Variants in ERC2 observed in about 807,000 individuals in gnomAD.
ERC2 encodes the protein ELKS/RAB6-interacting/CAST family member 2.
A neutral mutation model predicts 114.8 loss-of-function variants in ERC2; 42 were observed. That is an observed-to-expected ratio of 0.37 (90% CI 0.29 to 0.47). The LOEUF (loss-of-function observed/expected upper bound fraction) is 0.47, where lower values mean the gene tolerates loss of function less well. Ranked by LOEUF, ERC2 falls within the 20% of genes least tolerant of loss-of-function variation. The probability of loss-of-function intolerance (pLI) is 0.99; values close to 1 mark genes in which losing one functional copy is unlikely to be tolerated. For missense variants in ERC2, 939 were observed against 1,150.7 expected, an observed-to-expected ratio of 0.82 and a Z score of 2.66; for synonymous variants, 454 against 425.5, an observed-to-expected ratio of 1.07 and a Z score of -0.82.
At chr3:56,386,430 A>C (rs1418478290) in intron 2 of ERC2, among the ~76,000 whole-genome samples, 2 of 152,094 alleles carry the variant, frequency 1.3e-5, no homozygotes, top group East Asian at 3.9e-4. Context: ...TGGATCATGG[A>C]ATTATCCCCA....
chr3:55,619,680 G>A (rs1218203049), intron 17 of ERC2, among the ~76,000 whole-genome samples: 1 of 152,128 alleles, frequency 6.6e-6, no homozygotes, highest in Non-Finnish European at 1.5e-5. Context: ...TTGGAACATG[G>A]TAGACATGTA....
At chr3:55,900,243 T>C (rs144965731) in intron 13 of ERC2, among the ~76,000 whole-genome samples, 29 of 152,380 alleles carry the variant, frequency 1.9e-4, no homozygotes, top group African/African-American at 7.0e-4. Flanking sequence ...CTATGGGTTT[T>C]GGAAGTCCAA....
chr3:55,864,148 TATATATACAC>T (rs1469409617), intron 14 of ERC2, among the ~76,000 whole-genome samples: 3 of 123,282 alleles, frequency 2.4e-5, no homozygotes, highest in African/African-American at 9.1e-5. Flanking sequence ...TACATATATA[TATATATACAC>T]ATATATATAC....
intron 17 of ERC2, among the ~76,000 whole-genome samples, chr3:55,517,945 G>A (rs2052645958): frequency 6.6e-6 from 1 of 152,156 alleles, no homozygotes; most frequent in Admixed American, 6.5e-5. Flanking sequence ...GACTGCCCAT[G>A]GCCAAAGGTC....
chr3:55,668,806 C>T (rs146625423), intron 17 of ERC2, among the ~76,000 whole-genome samples: 90 of 152,232 alleles, frequency 5.9e-4, no homozygotes, highest in Middle Eastern at 3.4e-3. Flanking sequence ...ATGACCAGAA[C>T]CTCACATTGA....
intron 13 of ERC2, among the ~76,000 whole-genome samples, chr3:55,934,761 A>C (rs919396926): frequency 1.3e-5 from 2 of 152,216 alleles, no homozygotes; most frequent in African/African-American, 2.4e-5. Context: ...TGTCTACATA[A>C]TTTTGGCAAT....
chr3:55,985,933 CT>C, intron 12 of ERC2, 43 bp downstream of exon 12: 1 of 1,522,248 alleles, frequency 6.6e-7, no homozygotes, highest in Non-Finnish European at 8.8e-7. Context: ...ATAAATTGAG[CT>C]TAGGAGGGAA....
chr3:55,748,879 A>T (rs568324304), intron 14 of ERC2, among the ~76,000 whole-genome samples: 1 of 152,248 alleles, frequency 6.6e-6, no homozygotes, highest in Admixed American at 6.5e-5. Context: ...AAACAATTGA[A>T]TATCAGAAAT....
At chr3:56,099,219 C>T (rs2078220893) in intron 6 of ERC2, among the ~76,000 whole-genome samples, 2 of 152,180 alleles carry the variant, frequency 1.3e-5, no homozygotes, top group South Asian at 4.1e-4. Context: ...CCCTTAGAGC[C>T]TCTGTGGGGT....
intron 3 of ERC2, among the ~76,000 whole-genome samples, chr3:56,216,528 A>G (rs75497145): frequency 0.8 from 122,107 of 152,094 alleles, 50,923 homozygotes; most frequent in South Asian, 0.95. Flanking sequence ...AACAGTCCAG[A>G]ACCAGACAGA....
chr3:56,405,434 GA>G (rs765967718), intron 2 of ERC2, among the ~76,000 whole-genome samples: 32 of 143,086 alleles, frequency 2.2e-4, no homozygotes, highest in Admixed American at 2.1e-4. Context: ...CTCAAAAAAG[GA>G]AAAAAAAAAA....
chr3:55,670,113 G>A (rs562188339), intron 17 of ERC2, among the ~76,000 whole-genome samples: 13 of 152,330 alleles, frequency 8.5e-5, no homozygotes, highest in African/African-American at 3.1e-4. Flanking sequence ...GGAGGAAAAT[G>A]TAAGAAATCG....
Position 56,080,814 on chromosome 3 carries a change from C to CT in ERC2, c.1641+2_1641+3insA, listed in dbSNP as rs762749641. The stretch of plus-strand genomic sequence containing the variant: ...ACTTGAAGGTCTTATGTCAGCTACT[C>CT]ACCTTTTTCTGAAGAACATTGATTT... On this transcript the variant is annotated splice_region_variant and intron_variant, in intron 7 of 17. Transcript: ENST00000288221. 1.5e-5 allele frequency: 24 copies of CT among 1,612,656 alleles called. No homozygotes were observed. In the East Asian group the frequency reaches 5.1e-4, roughly 34 times the overall value.
At chr3:55,849,224 G>T (rs2061479981) in intron 14 of ERC2, among the ~76,000 whole-genome samples, 3 of 151,736 alleles carry the variant, frequency 2.0e-5, no homozygotes, top group African/African-American at 7.3e-5. Flanking sequence ...TATGAATCCA[G>T]ATTCTTTTGA....
intron 14 of ERC2, among the ~76,000 whole-genome samples, chr3:55,827,772 T>C (rs565212470): frequency 3.1e-4 from 47 of 152,350 alleles, no homozygotes; most frequent in African/African-American, 1.1e-3. Flanking sequence ...TCCTCCACAC[T>C]GACAAACGCT....
At chr3:56,365,316 A>C (rs750613504) in intron 2 of ERC2, among the ~76,000 whole-genome samples, 18 of 152,220 alleles carry the variant, frequency 1.2e-4, no homozygotes, top group African/African-American at 2.4e-5. Flanking sequence ...ACTACGTTAC[A>C]ATTGCCTACA....
At chr3:55,688,302 C>T (rs2062442905) in intron 16 of ERC2, among the ~76,000 whole-genome samples, 1 of 152,108 alleles carries the variant, frequency 6.6e-6, no homozygotes, top group African/African-American at 2.4e-5. Flanking sequence ...CTGAGGCTCA[C>T]CAAGGCCCAG....
intron 2 of ERC2, among the ~76,000 whole-genome samples, chr3:56,311,276 TATATATATATATATAC>T (rs2056556453): frequency 2.2e-5 from 3 of 136,298 alleles, no homozygotes; most frequent in South Asian, 2.3e-4. Flanking sequence ...TATATATATA[TATATATATATATATAC>T]ACACATATAT....
intron 15 of ERC2, among the ~76,000 whole-genome samples, chr3:55,710,355 C>A (rs1244180678): frequency 6.6e-6 from 1 of 151,922 alleles, no homozygotes; most frequent in Non-Finnish European, 1.5e-5. Context: ...CGATAACTTA[C>A]CCCCCCAAAG....
Sources: allele counts gnomAD v4.1 joint callset (sites outside exome capture counted in the v4.1 genomes callset), GRCh38; gene constraint gnomAD v4.1.1; transcripts MANE v1.5; gene names NCBI Gene and HGNC (gene_info 2026-07-23, HGNC 2026-07-21).